The following MOXD1 variants were observed in gnomAD, a reference collection of about 807,000 sequenced individuals.
The protein encoded by MOXD1 is DBH-like monooxygenase protein 1.
In MOXD1, 62 loss-of-function variants were observed where a neutral mutation model predicts 66.6. That is an observed-to-expected ratio of 0.93 (90% CI 0.76 to 1.15). The LOEUF (loss-of-function observed/expected upper bound fraction) is 1.15, where lower values mean the gene tolerates loss of function less well. Among genes scored for constraint, MOXD1 ranks in the 50% most tolerant of loss-of-function variants. The pLI is 0.00. For synonymous variants in MOXD1, 303 were observed against 281.9 expected (o/e 1.07, Z -0.75); for missense variants, 847 against 754.6 (o/e 1.12, Z -1.44).
In MOXD1 at chr6:132,328,572, C is replaced by A. The variant is rs1775243542; in HGVS notation, c.686G>T (p.Gly229Val). 3.1e-6 allele frequency: 5 copies of A among 1,613,940 alleles called. No individual in the cohort carries two copies. Among genetic ancestry groups the A allele is most frequent in the Non-Finnish European group, 4.2e-6 (5 of 1,179,936 alleles). ...GATGTGGTGCACCAGACTCTCATGG[C>A]CTCTCTGTATCACTGGCTCAACCTA... is the stretch of plus-strand genomic sequence containing the variant. ...VIKVEPVIQR[G>V]HESLVHHILL... The change falls in exon 5 of 12, where the codon GGC becomes GTC. Residue 229 changes from glycine to valine, a missense_variant. By Grantham distance (109) the Gly-to-Val change is moderately radical. Coordinates refer to ENST00000367963, the MANE Select transcript of MOXD1 (RefSeq NM_015529.4).
Position 132,310,958 on chromosome 6 carries a change from GTTTT to G in MOXD1, c.1508+4673_1508+4676del, listed in dbSNP as rs1001677290. Among the ~76,000 whole-genome samples, 3 of 151,770 alleles carry G rather than the reference GTTTT, an allele frequency of 2.0e-5. No individual in the cohort carries two copies. In the East Asian group the frequency reaches 5.8e-4, roughly 29 times the overall value. ...GCTGCACATTCTGCACATGTATCCC[GTTTT>G]TTGTTTGTTTGTTTGTTTAGAATAA... On this transcript the variant is annotated intron_variant, in intron 10 of 11. Coordinates refer to ENST00000367963, the MANE Select transcript of MOXD1 (RefSeq NM_015529.4).
chr6:132,356,451 T>A (rs1270818725), intron 4 of MOXD1, among the ~76,000 whole-genome samples: 1 of 152,222 alleles, frequency 6.6e-6, no homozygotes, highest in South Asian at 2.1e-4. Context: ...GTGAATTTTA[T>A]AAAGTAATCT....
At chr6:132,340,285 T>C (rs1285987042) in intron 4 of MOXD1, among the ~76,000 whole-genome samples, 2 of 152,222 alleles carry the variant, frequency 1.3e-5, no homozygotes, top group Non-Finnish European at 2.9e-5. Flanking sequence ...TTGATGATGA[T>C]AATAACTGTC....
chr6:132,382,208 A>G lies in MOXD1; in HGVS notation c.265-7431T>C, dbSNP rs111518377. 2.0e-3 allele frequency among the ~76,000 whole-genome samples: 304 copies of G among 152,232 alleles called. 1 individual carries two copies. The highest frequency in any genetic ancestry group is 7.1e-3 in the African/African-American group (295 of 41,572). On this transcript the variant is annotated intron_variant, in intron 1 of 11. Coordinates refer to ENST00000367963, the MANE Select transcript of MOXD1 (RefSeq NM_015529.4). ...TCCAATTAAGAATCATTAAAATTAG[A>G]CTTTATGTGGGTAAGAAGGATAGAG...
At chr6:132,362,471 C>T (rs561766894) in intron 4 of MOXD1, among the ~76,000 whole-genome samples, 1 of 152,168 alleles carries the variant, frequency 6.6e-6, no homozygotes, top group Admixed American at 6.5e-5. Context: ...AGATTAGAAC[C>T]CAGACTGTCA....
At chr6:132,304,103 C>A (rs1456399160) in intron 10 of MOXD1, among the ~76,000 whole-genome samples, 1 of 151,690 alleles carries the variant, frequency 6.6e-6, no homozygotes, top group African/African-American at 2.4e-5. Context: ...AATCTCATCT[C>A]CACTGCAGTG....
intron 4 of MOXD1, among the ~76,000 whole-genome samples, chr6:132,330,476 G>A (rs896372443): frequency 1.7e-4 from 26 of 152,258 alleles, no homozygotes; most frequent in African/African-American, 5.1e-4. Flanking sequence ...CCTCCAGTCC[G>A]TGGAAAAACT....
intron 1 of MOXD1, among the ~76,000 whole-genome samples, chr6:132,388,152 G>A (rs1341714182): frequency 2.0e-5 from 3 of 151,370 alleles, no homozygotes; most frequent in African/African-American, 4.8e-5. Flanking sequence ...TCTGACCATC[G>A]TCTCATTACA....
Position 132,297,131 on chromosome 6 carries a change from G to T in MOXD1, c.*22C>A. 1 of 1,610,476 alleles carries T rather than the reference G, an allele frequency of 6.2e-7. No individual in the cohort carries two copies. Among genetic ancestry groups the T allele is most frequent in the Admixed American group, 1.7e-5 (1 of 59,724 alleles). On this transcript the variant is annotated 3_prime_UTR_variant, in exon 12 of 12. Transcript: ENST00000367963. ...ACAGGTTCAGATCATAGAAAACATT[G>T]TCAAGTCCAACAGAATTTTGATCAC...
In MOXD1 at chr6:132,394,558, G is replaced by T. The variant is rs552707861; in HGVS notation, c.264+6605C>A. Among the ~76,000 whole-genome samples the T allele has an allele frequency of 4.6e-5, 7 of 152,074 alleles. No individual in the cohort carries two copies. The East Asian group carries it at 1.4e-3, about 29-fold the overall frequency. ...ACACAACAGAATACTGAAAAATAAT[G>T]CAAAGAAACCAGAAAAGCAATTCAG... is the stretch of plus-strand genomic sequence containing the variant. On this transcript the variant is annotated intron_variant, in intron 1 of 11. Coordinates refer to ENST00000367963, the MANE Select transcript of MOXD1 (RefSeq NM_015529.4).
At chr6:132,392,360 G>A in intron 1 of MOXD1, 12 of 1,533,180 alleles carry the variant, frequency 7.8e-6, no homozygotes, top group Non-Finnish European at 1.1e-5. Flanking sequence ...ACCCCCATAA[G>A]AAGGGTGAAT....
intron 4 of MOXD1, among the ~76,000 whole-genome samples, chr6:132,342,618 T>C (rs1775587990): frequency 6.6e-6 from 1 of 152,252 alleles, no homozygotes; most frequent in African/African-American, 2.4e-5. Context: ...TTTGACATGC[T>C]ATTGCATACA....
intron 10 of MOXD1, among the ~76,000 whole-genome samples, chr6:132,309,628 A>G (rs1370163289): frequency 1.3e-5 from 2 of 152,216 alleles, no homozygotes; most frequent in Non-Finnish European, 2.9e-5. Flanking sequence ...CTATACTACA[A>G]GGCTACAGTA....
intron 1 of MOXD1, among the ~76,000 whole-genome samples, chr6:132,399,416 T>C (rs1776970658): frequency 6.6e-6 from 1 of 152,238 alleles, no homozygotes; most frequent in Admixed American, 6.5e-5. Flanking sequence ...TATTCACTAA[T>C]TACTTTAAGA....
intron 4 of MOXD1, among the ~76,000 whole-genome samples, chr6:132,342,275 C>T (rs1775579342): frequency 6.6e-6 from 1 of 152,242 alleles, no homozygotes; most frequent in Admixed American, 6.5e-5. Flanking sequence ...GCCAGGATTA[C>T]AGGCGTGAGC....
chr6:132,349,444 T>TAC lies in MOXD1; in HGVS notation c.664-20851_664-20850insGT, dbSNP rs1562290038. ...ATACATATATATATATACATATATA[T>TAC]ATATATACATATATATATATACATA... On this transcript the variant is annotated intron_variant, in intron 4 of 11. Coordinates refer to ENST00000367963, the MANE Select transcript of MOXD1 (RefSeq NM_015529.4). Among the ~76,000 whole-genome samples the TAC allele has an allele frequency of 1.4e-4, 8 of 57,548 alleles. 1 individual carries two copies. The highest frequency in any genetic ancestry group is 8.5e-4 in the African/African-American group (6 of 7,072). 37.8% of individuals were successfully genotyped at this position (57,548 alleles called of 152,430 possible).
chr6:132,323,869 C>T, intron 7 of MOXD1, 62 bp downstream of exon 7: 1 of 1,457,978 alleles, frequency 6.9e-7, no homozygotes, highest in Non-Finnish European at 9.1e-7. Context: ...ATTTTTCACA[C>T]CACAGTTTCT....
At chr6:132,356,102 C>T (rs146023661) in intron 4 of MOXD1, among the ~76,000 whole-genome samples, 1,705 of 152,184 alleles carry the variant, frequency 0.011, 36 homozygotes, top group African/African-American at 0.039. Flanking sequence ...TGGGAGGGGA[C>T]GCAAAGGACG....
intron 4 of MOXD1, among the ~76,000 whole-genome samples, chr6:132,365,585 G>T (rs2114649703): frequency 6.6e-6 from 1 of 152,244 alleles, no homozygotes; most frequent in Non-Finnish European, 1.5e-5. Flanking sequence ...TTTCTCTAGG[G>T]TCAGAAAGCT....
Sources: gnomAD v4.1 joint callset for allele counts (sites outside exome capture counted in the v4.1 genomes callset) on GRCh38, gnomAD v4.1.1 for gene constraint, MANE v1.5 for transcripts, NCBI Gene and HGNC (gene_info 2026-07-23, HGNC 2026-07-21) for gene names.